Variants in RAB8A observed in about 807,000 individuals in gnomAD.
The protein encoded by RAB8A is RAB8A, member RAS oncogene family.
In RAB8A, 5 loss-of-function variants were observed where a neutral mutation model predicts 29.2. The observed-to-expected ratio is 0.17, with a 90% CI of 0.09 to 0.36. The LOEUF (loss-of-function observed/expected upper bound fraction) is 0.36. Ranked by LOEUF, RAB8A falls within the 10% of genes least tolerant of loss-of-function variation. RAB8A has a pLI of 1.00. For synonymous variants in RAB8A, 108 were observed against 99.9 expected (o/e 1.08, Z -0.49); for missense variants, 171 against 272.2 (o/e 0.63, Z 2.62).
In RAB8A at chr19:16,125,417, C is replaced by G. The variant is rs1453987014; in HGVS notation, c.247-53C>G. The G allele has an allele frequency of 3.9e-6, 6 of 1,526,820 alleles. No individual in the cohort carries two copies. Among genetic ancestry groups the G allele is most frequent in the African/African-American group, 1.4e-5 (1 of 72,866 alleles). 94.6% of individuals were successfully genotyped at this position (1,526,820 alleles called of 1,614,324 possible). A position where few individuals can be genotyped will look rare whatever the true frequency, so the allele number is the denominator to read the frequency against. ...CTGTTCTCTGGTGCCGCTGAGGCCT[C>G]CCTTCCAGAGCCTGCAGCCGATCAG... is the stretch of plus-strand genomic sequence containing the variant. On this transcript the variant is annotated intron_variant, in intron 3 of 7. Transcript: ENST00000300935. This position sits in a 1 kb window ranked among gnomAD's most constrained non-coding sequence, Gnocchi z 5.0.
chr19:16,128,724 A>G (rs1188699275), intron 6 of RAB8A, among the ~76,000 whole-genome samples: 3 of 152,152 alleles, frequency 2.0e-5, no homozygotes, highest in Non-Finnish European at 2.9e-5. Context: ...TGCCCTCCCC[A>G]GGCCACCTGG....
chr19:16,112,878 A>T (rs1028397479), intron 1 of RAB8A: 3 of 152,260 alleles, frequency 2.0e-5, no homozygotes, highest in Non-Finnish European at 1.5e-5. Context: ...CAGGAATGAC[A>T]GCAATGGCAA....
At chr19:16,123,635 A>T (rs963162344) in intron 3 of RAB8A, 2 of 152,066 alleles carry the variant, frequency 1.3e-5, no homozygotes, top group African/African-American at 4.8e-5. Context: ...AATTAATTTT[A>T]AAAAACATTG....
intron 3 of RAB8A, chr19:16,124,428 C>G (rs2090888700): frequency 6.6e-6 from 1 of 152,320 alleles, no homozygotes; most frequent in Non-Finnish European, 1.5e-5. Context: ...TCAGTGCCCT[C>G]AGGTGCCACA....
rs184203106 is a variant in RAB8A, at chr19:16,130,542, T to C, written c.531+938T>C. Among the ~76,000 whole-genome samples the C allele has an allele frequency of 3.8e-4, 58 of 152,352 alleles. No individual in the cohort carries two copies. In the East Asian group the frequency reaches 7.5e-3, roughly 20 times the overall value. ...CCATTAAATTAAAATGGGAAACAGT[T>C]CATGGAAACCAGTGCACTGACCAAC... On this transcript the variant is annotated intron_variant, in intron 7 of 7. Transcript: ENST00000300935.
At chr19:16,131,968 G>A (rs1007188118) in intron 7 of RAB8A, among the ~76,000 whole-genome samples, 1 of 151,742 alleles carries the variant, frequency 6.6e-6, no homozygotes, top group Non-Finnish European at 1.5e-5. Flanking sequence ...TGATTGGTTG[G>A]TTGGATGGCT....
At position 16,128,049 on chromosome 19, in the gene RAB8A, G is replaced by C. The variant is rs372254577; in HGVS notation, c.438G>C (p.Lys146Asn). 15 of 1,614,058 alleles carry C rather than the reference G, an allele frequency of 9.3e-6. No individual in the cohort carries two copies. Among genetic ancestry groups the C allele is most frequent in the Non-Finnish European group, 1.2e-5 (14 of 1,180,024 alleles). ...AGCTGGCCCTCGACTATGGAATCAA[G>C]TTCATGGAGACCAGCGCGAAGGCCA... The part of the protein sequence containing the change: ...GEKLALDYGI[K>N]FMETSAKANI... The change falls in exon 6 of 8, where the codon AAG becomes AAC. Residue 146 changes from lysine (K) to asparagine (N), a missense_variant. Coordinates refer to ENST00000300935, the MANE Select transcript of RAB8A (RefSeq NM_005370.5).
In RAB8A at chr19:16,132,725, G is replaced by A. The variant is rs2090932887; in HGVS notation, c.*421G>A. The A allele has an allele frequency of 1.2e-5, 2 of 172,732 alleles. No homozygotes were observed. Among genetic ancestry groups the A allele is most frequent in the South Asian group, 2.3e-4 (2 of 8,680 alleles). The allele number at this position is 172,732 out of a possible 1,614,324, so 10.7% of individuals were successfully genotyped here. On this transcript the variant is annotated 3_prime_UTR_variant, in exon 8 of 8. Coordinates refer to ENST00000300935, the MANE Select transcript of RAB8A (RefSeq NM_005370.5). The surrounding 1 kb of genome is among the most constrained non-coding windows in gnomAD (Gnocchi z 5.6). ...GGAAGCGAGGTCCCAGAAGGCCAGC[G>A]GTGGTTCCAGGAGCAACAGCTCCCA...
In RAB8A at chr19:16,127,154, C is replaced by T. The variant is rs571739843; in HGVS notation, c.325-283C>T. ...CTAGACCCGCCCAGCATCCCAGGTG[C>T]GGGGGCTTGATTGATACAGCCATAG... On this transcript the variant is annotated intron_variant, in intron 4 of 7. Transcript: ENST00000300935. This position sits in a 1 kb window ranked among gnomAD's most constrained non-coding sequence, Gnocchi z 4.8. Among the ~76,000 whole-genome samples, 11 of 152,256 alleles carry T rather than the reference C, an allele frequency of 7.2e-5. No homozygotes were observed. The East Asian group carries it at 1.2e-3, about 16-fold the overall frequency.
rs1392258680 is a variant in RAB8A, at chr19:16,125,461, C to A, written c.247-9C>A. On this transcript the variant is annotated splice_polypyrimidine_tract_variant and intron_variant, in intron 3 of 7. Coordinates refer to ENST00000300935, the MANE Select transcript of RAB8A (RefSeq NM_005370.5). This position sits in a 1 kb window ranked among gnomAD's most constrained non-coding sequence, Gnocchi z 5.0. ...CGATCAGGCACCTGTGTCTTCTCTC[C>A]CCGCGCAGGGCATCATGCTGGTCTA... 6.2e-7 allele frequency: 1 copy of A among 1,613,462 alleles called. No individual in the cohort carries two copies. Among genetic ancestry groups the A allele is most frequent in the Non-Finnish European group, 8.5e-7 (1 of 1,179,484 alleles).
chr19:16,128,217 T>C, intron 6 of RAB8A, 126 bp downstream of exon 6: 1 of 994,080 alleles, frequency 1.0e-6, no homozygotes, highest in Middle Eastern at 2.2e-4. Context: ...GGGCTGCCAG[T>C]CAGTCCTCTG....
At chr19:16,131,862 G>C (rs1370796266) in intron 7 of RAB8A, among the ~76,000 whole-genome samples, 1 of 138,634 alleles carries the variant, frequency 7.2e-6, no homozygotes, top group Non-Finnish European at 1.6e-5. Context: ...ATGGTTGGTT[G>C]GTTGGTTGGT....
chr19:16,123,043 A>G (rs1208624787), intron 3 of RAB8A, among the ~76,000 whole-genome samples: 4 of 152,134 alleles, frequency 2.6e-5, no homozygotes, highest in Non-Finnish European at 5.9e-5. Context: ...AGCTCAGATT[A>G]TCTCATTGCA....
intron 1 of RAB8A, chr19:16,112,794 A>T (rs561903015): frequency 1.3e-5 from 2 of 152,356 alleles, no homozygotes; most frequent in South Asian, 4.1e-4. Context: ...GCTTCCCCTC[A>T]TAAGCGTATT....
intron 6 of RAB8A, among the ~76,000 whole-genome samples, chr19:16,129,179 G>A (rs1025307678): frequency 3.9e-5 from 6 of 152,202 alleles, no homozygotes; most frequent in African/African-American, 7.2e-5. Flanking sequence ...TGGATTGGTC[G>A]GTTAACTGCT....
chr19:16,122,056 A>G lies in RAB8A; in HGVS notation c.246+246A>G. 1 of 425,666 alleles carries G rather than the reference A, an allele frequency of 2.3e-6. No individual in the cohort carries two copies. Among genetic ancestry groups the G allele is most frequent in the Non-Finnish European group, 4.3e-6 (1 of 233,390 alleles). 26.4% of individuals were successfully genotyped at this position (425,666 alleles called of 1,614,324 possible). A position where few individuals can be genotyped will look rare whatever the true frequency, so the allele number is the denominator to read the frequency against. On this transcript the variant is annotated intron_variant, in intron 3 of 7. Coordinates refer to ENST00000300935, the MANE Select transcript of RAB8A (RefSeq NM_005370.5). This position sits in a 1 kb window ranked among gnomAD's most constrained non-coding sequence, Gnocchi z 4.7. ...TAAAGTGGAAACATAATTCTTTGGG[A>G]ATGAAGAAAGACACAGGAAGCCGGT...
At chr19:16,116,242 C>A (rs1487591920) in intron 1 of RAB8A, among the ~76,000 whole-genome samples, 3 of 152,134 alleles carry the variant, frequency 2.0e-5, no homozygotes, top group Non-Finnish European at 4.4e-5. Context: ...TTGAGGAAAT[C>A]GCTGTGTGGA....
At chr19:16,114,480 G>C (rs1031871485) in intron 1 of RAB8A, among the ~76,000 whole-genome samples, 1 of 146,990 alleles carries the variant, frequency 6.8e-6, no homozygotes, top group East Asian at 2.0e-4. Flanking sequence ...AGGTTCCAGC[G>C]ATTCTCCTGT....
Position 16,118,294 on chromosome 19 carries a change from T to A in RAB8A, c.185+8T>A. On this transcript the variant is annotated splice_region_variant and intron_variant, in intron 2 of 7. Coordinates refer to ENST00000300935, the MANE Select transcript of RAB8A (RefSeq NM_005370.5). ...AATTAAACTGCAGATATGGTAAGAGTCATTGTTCTCTGTCATTCTCTCCAC... is the reference window on the plus strand; with the variant it reads ...AATTAAACTGCAGATATGGTAAGAGACATTGTTCTCTGTCATTCTCTCCAC... The A allele has an allele frequency of 6.2e-7, 1 of 1,607,910 alleles. No homozygotes were observed. The highest frequency in any genetic ancestry group is 8.5e-7 in the Non-Finnish European group (1 of 1,176,274).
Sources: gnomAD v4.1 joint callset for allele counts (sites outside exome capture counted in the v4.1 genomes callset) on GRCh38, gnomAD v4.1.1 for gene constraint, Gnocchi (gnomAD v3.1) non-coding constraint, MANE v1.5 for transcripts, NCBI Gene and HGNC (gene_info 2026-07-23, HGNC 2026-07-21) for gene names.